The following NUP58 variants were observed in gnomAD, a reference collection of about 807,000 sequenced individuals.
The protein encoded by NUP58 is nucleoporin p58/p45.
In NUP58, 17 loss-of-function variants were observed where a neutral mutation model predicts 70.1. That is an observed-to-expected ratio of 0.24 (90% confidence interval 0.17 to 0.36). The LOEUF is 0.36. Ranked by LOEUF, NUP58 falls within the 10% of genes least tolerant of loss-of-function variation. The pLI is 1.00. For synonymous variants in NUP58, 275 were observed against 257.6 expected (o/e 1.07, Z -0.65); for missense variants, 644 against 701.5 (o/e 0.92, Z 0.93).
At chr13:25,324,720 A>C (rs2031324221) in intron 9 of NUP58, among the ~76,000 whole-genome samples, 1 of 152,202 alleles carries the variant, frequency 6.6e-6, no homozygotes, top group Non-Finnish European at 1.5e-5. Flanking sequence ...GCTGTAAATG[A>C]ATTCACTTCG....
intron 1 of NUP58, among the ~76,000 whole-genome samples, chr13:25,306,423 A>G (rs1593173902): frequency 6.6e-6 from 1 of 151,418 alleles, no homozygotes; most frequent in South Asian, 2.1e-4. Context: ...AAATCTGCTA[A>G]GTGGGTACTG....
At chr13:25,311,943 T>TA (rs1383842121) in intron 3 of NUP58, among the ~76,000 whole-genome samples, 2 of 152,034 alleles carry the variant, frequency 1.3e-5, no homozygotes, top group African/African-American at 4.8e-5. Context: ...AGGTTGGAGA[T>TA]ATAGCAAAAA....
intron 12 of NUP58, among the ~76,000 whole-genome samples, chr13:25,328,330 CTGTTTG>C (rs1235656490): frequency 6.6e-6 from 1 of 151,210 alleles, no homozygotes; most frequent in African/African-American, 2.4e-5. Context: ...ATACAGGGAA[CTGTTTG>C]TGTTTATTAA....
chr13:25,305,650 C>T (rs367620069), intron 1 of NUP58, among the ~76,000 whole-genome samples: 22 of 152,330 alleles, frequency 1.4e-4, no homozygotes, highest in African/African-American at 4.8e-4. Flanking sequence ...CTCCATTCCC[C>T]TCACAGTGAT....
intron 3 of NUP58, among the ~76,000 whole-genome samples, chr13:25,312,348 C>A (rs2030710052): frequency 6.6e-6 from 1 of 152,054 alleles, no homozygotes; most frequent in African/African-American, 2.4e-5. Context: ...TGATATGTTA[C>A]ATCGATTGGA....
intron 11 of NUP58, 85 bp downstream of exon 11, chr13:25,327,119 A>G (rs977089874): frequency 1.4e-6 from 1 of 725,676 alleles, no homozygotes; most frequent in South Asian, 2.2e-5. Context: ...TTGGATAACT[A>G]CTGGTAGCCC....
rs566032932 is a variant in NUP58 at position 25,320,904 on chromosome 13, A to T, written c.777-15A>T. On this transcript the variant is annotated splice_polypyrimidine_tract_variant and intron_variant, in intron 8 of 15. Transcript: ENST00000381736. ...GATACATTTTTTAAAACTCAGTTTT[A>T]AATATATTTTTTAGGAAATTTGTGA... 1.5e-5 allele frequency: 22 copies of T among 1,491,260 alleles called. No individual in the cohort carries two copies. The South Asian group carries it at 2.7e-4, about 18-fold the overall frequency. The allele number at this position is 1,491,260 out of a possible 1,614,324, so 92.4% of individuals were successfully genotyped here.
At chr13:25,336,656 TTAAAC>T (rs749269475) in intron 13 of NUP58, among the ~76,000 whole-genome samples, 18 of 152,214 alleles carry the variant, frequency 1.2e-4, no homozygotes, top group Non-Finnish European at 1.5e-4. Flanking sequence ...ATTTAGTAGA[TTAAAC>T]TAACGTCTTT....
chr13:25,330,121 G>A (rs1298066164), intron 12 of NUP58, among the ~76,000 whole-genome samples: 1 of 152,056 alleles, frequency 6.6e-6, no homozygotes, highest in Non-Finnish European at 1.5e-5. Flanking sequence ...AGCCACCGCG[G>A]CCAGGCTGTT....
chr13:25,330,619 A>G (rs983368841), intron 12 of NUP58, among the ~76,000 whole-genome samples: 1 of 152,210 alleles, frequency 6.6e-6, no homozygotes, highest in African/African-American at 2.4e-5. Context: ...GTGAAACAGA[A>G]TTGTTGCTGT....
At chr13:25,323,943 G>A (rs2031290247) in intron 9 of NUP58, among the ~76,000 whole-genome samples, 1 of 152,146 alleles carries the variant, frequency 6.6e-6, no homozygotes, top group South Asian at 2.1e-4. Context: ...GGGCACAGAG[G>A]CCTCAAGTGG....
chr13:25,313,643 G>T lies in NUP58; in HGVS notation c.466G>T (p.Gly156Cys). The T allele has an allele frequency of 2.6e-6, 4 of 1,522,654 alleles. No homozygotes were observed. The highest frequency in any genetic ancestry group is 3.5e-6 in the Non-Finnish European group (4 of 1,148,454). 94.3% of individuals were successfully genotyped at this position (1,522,654 alleles called of 1,614,324 possible). A position where few individuals can be genotyped will look rare whatever the true frequency, so the allele number is the denominator to read the frequency against. ...CACAGGATTTACTCTAAATAATTTG[G>T]GTGGGACAACAGCCACAACTACAAC... ...ASTGFTLNNL[G>C]GTTATTTTAS... The change falls in exon 5 of 16, where the codon GGT (glycine) becomes TGT (cysteine). Residue 156 changes from glycine to cysteine, a missense_variant. Gly to Cys is a radical substitution (Grantham distance 159, BLOSUM62 -3). Transcript: ENST00000381736.
chr13:25,320,493 C>T (rs754528978), intron 7 of NUP58, 37 bp from the exon 8 acceptor site: 3 of 1,461,004 alleles, frequency 2.1e-6, no homozygotes, highest in South Asian at 1.2e-5. Context: ...TTTTTAAAAT[C>T]TCAATGACCT....
chr13:25,333,736 C>G, intron 13 of NUP58: 6 of 985,154 alleles, frequency 6.1e-6, no homozygotes, highest in Non-Finnish European at 7.2e-6. Flanking sequence ...GTTTTGTACC[C>G]CATAAGTTAT....
chr13:25,322,773 C>T (rs2031240241), intron 9 of NUP58, among the ~76,000 whole-genome samples: 1 of 152,138 alleles, frequency 6.6e-6, no homozygotes, highest in Admixed American at 6.5e-5. Context: ...GGATACTCAA[C>T]CTGTATTGCC....
downstream of NUP58, among the ~76,000 whole-genome samples, chr13:25,342,613 T>C (rs1181492618): frequency 6.6e-6 from 1 of 152,298 alleles, no homozygotes. Context: ...TGAACATTTT[T>C]AGTTATAAAG....
chr13:25,305,146 T>TGTTTTTTTG (rs1491541843), intron 1 of NUP58, among the ~76,000 whole-genome samples: 7 of 41,762 alleles, frequency 1.7e-4, no homozygotes, highest in South Asian at 9.9e-4. Context: ...TTTTTTTTTT[T>TGTTTTTTTG]TTTTTTTTTT....
chr13:25,310,206 A>AT (rs796547133), intron 3 of NUP58, among the ~76,000 whole-genome samples: 524 of 47,502 alleles, frequency 0.011, 19 homozygotes, highest in East Asian at 0.071. Flanking sequence ...CCCTTGGCTA[A>AT]TTTTTTTTTT....
intron 13 of NUP58, chr13:25,333,775 C>CT: frequency 1.0e-6 from 1 of 985,326 alleles, no homozygotes; most frequent in Non-Finnish European, 1.2e-6. Flanking sequence ...TCTGTGAAAT[C>CT]TTTGTTTTTA....
Sources: gnomAD v4.1 joint callset for allele counts (sites outside exome capture counted in the v4.1 genomes callset) on GRCh38, gnomAD v4.1.1 for gene constraint, MANE v1.5 for transcripts, NCBI Gene and HGNC (gene_info 2026-07-23, HGNC 2026-07-21) for gene names.